The following GUCA2A variants were observed in gnomAD, a reference collection of about 807,000 sequenced individuals.
GUCA2A encodes guanylate cyclase activator 2A.
A neutral mutation model predicts 11.2 loss-of-function variants in GUCA2A; 17 were observed. That is an observed-to-expected ratio of 1.52 (90% CI 1.04 to 2.28). The LOEUF (loss-of-function observed/expected upper bound fraction) is 2.28. Among genes scored for constraint, GUCA2A ranks in the 30% most tolerant of loss-of-function variants. The pLI is 0.00. For missense variants in GUCA2A, 173 were observed against 139.3 expected, an observed-to-expected ratio of 1.24 and a Z score of -1.22; for synonymous variants, 64 against 57.1, an observed-to-expected ratio of 1.12 and a Z score of -0.54.
chr1:42,164,510 C>T (rs949468822), intron 1 of GUCA2A, 128 bp downstream of exon 1: 4 of 633,806 alleles, frequency 6.3e-6, no homozygotes, highest in East Asian at 2.8e-5. Flanking sequence ...AGGAGCTCCT[C>T]GAAGAAGGCC....
At position 42,163,449 on chromosome 1, in the gene GUCA2A, C is replaced by T. The variant is rs1176054216; in HGVS notation, c.237G>A (p.Lys79=). The change falls in exon 2 of 3, where the codon AAG becomes AAA. Residue 79 remains lysine, a synonymous_variant. Transcript: ENST00000357001. The part of the protein sequence containing the change: ...CSNPNFPEEL[K]PLCKEPNAQE... The stretch of plus-strand genomic sequence containing the variant: ...GGGCATTGGGCTCCTTGCAGAGAGG[C>T]TTGAGTTCTTCTGGAAAGTTCGGGT... 6.2e-7 allele frequency: 1 copy of T among 1,614,082 alleles called. No individual in the cohort carries two copies. The highest frequency in any genetic ancestry group is 8.5e-7 in the Non-Finnish European group (1 of 1,179,926).
rs1033422438 is a variant in GUCA2A, at chr1:42,162,728, G to C, written c.*178C>G. The C allele has an allele frequency of 1.7e-6, 1 of 606,028 alleles. No homozygotes were observed. Among genetic ancestry groups the C allele is most frequent in the Non-Finnish European group, 2.9e-6 (1 of 339,990 alleles). The allele number at this position is 606,028 out of a possible 1,614,324, so 37.5% of individuals were successfully genotyped here. A position where few individuals can be genotyped will look rare whatever the true frequency, so the allele number is the denominator to read the frequency against. ...GGTTTATTAGCTGGGGGTTGAAGTG[G>C]CAGGGAAGGACAGTGTTGGGGCGAG... On this transcript the variant is annotated 3_prime_UTR_variant, in exon 3 of 3. Coordinates refer to ENST00000357001, the MANE Select transcript of GUCA2A (RefSeq NM_033553.3).
Position 42,162,955 on chromosome 1 carries a change from T to G in GUCA2A, c.299A>C (p.Asp100Ala), listed in dbSNP as rs1569700402. ...ILQRLEEIAE[D>A]PGTCEICAYA... ...GGCACAGATTTCACATGTGCCCGGG[T>G]CCTCAGCGATTTCCTCTGCACAACA... The change falls in exon 3 of 3, where the codon GAC (aspartate) becomes GCC (alanine). Residue 100 changes from aspartate (D) to alanine (A), a missense_variant. Coordinates refer to ENST00000357001, the MANE Select transcript of GUCA2A (RefSeq NM_033553.3). 1 of 1,613,628 alleles carries G rather than the reference T, an allele frequency of 6.2e-7. No individual in the cohort carries two copies. The highest frequency in any genetic ancestry group is 2.2e-5 in the East Asian group (1 of 44,856).
chr1:42,162,879 GGGGA>G lies in GUCA2A; in HGVS notation c.*23_*26del. On this transcript the variant is annotated 3_prime_UTR_variant, in exon 3 of 3. Coordinates refer to ENST00000357001, the MANE Select transcript of GUCA2A (RefSeq NM_033553.3). ...GAGAAAAGAGCTTCCCTGCTGCGGAGGGGAGGCAGGCAGTGGGCAAGCCCCCCTA... is the reference window on the plus strand; with the variant it reads ...GAGAAAAGAGCTTCCCTGCTGCGGAGGGCAGGCAGTGGGCAAGCCCCCCTA... 1 of 1,583,772 alleles carries G rather than the reference GGGGA, an allele frequency of 6.3e-7. No individual in the cohort carries two copies. Among genetic ancestry groups the G allele is most frequent in the Non-Finnish European group, 8.7e-7 (1 of 1,152,678 alleles).
Position 42,163,439 on chromosome 1 carries a change from T to A in GUCA2A, c.247A>T (p.Lys83Ter). ...AGTATCTCCTGGGCATTGGGCTCCTTGCAGAGAGGCTTGAGTTCTTCTGGA... is the reference window on the plus strand; with the variant it reads ...AGTATCTCCTGGGCATTGGGCTCCTAGCAGAGAGGCTTGAGTTCTTCTGGA... ...NFPEELKPLC[K>*]EPNAQEILQR... Residue 83 changes from lysine (K) to a stop codon, truncating the protein, a stop_gained, in exon 2 of 3, where the codon AAG becomes TAG. Transcript: ENST00000357001. LOFTEE classifies it high-confidence loss of function. 1 of 1,613,942 alleles carries A rather than the reference T, an allele frequency of 6.2e-7. No homozygotes were observed. Among genetic ancestry groups the A allele is most frequent in the Non-Finnish European group, 8.5e-7 (1 of 1,179,872 alleles).
intron 1 of GUCA2A, among the ~76,000 whole-genome samples, chr1:42,164,144 G>C (rs1257856558): frequency 6.6e-6 from 1 of 152,254 alleles, no homozygotes; most frequent in Non-Finnish European, 1.5e-5. Flanking sequence ...ATTGGCACTG[G>C]TAGGCATACC....
chr1:42,163,466 A>T lies in GUCA2A; in HGVS notation c.220T>A (p.Phe74Ile), dbSNP rs1217759074. 1.2e-6 allele frequency: 2 copies of T among 1,613,934 alleles called. No individual in the cohort carries two copies. The highest frequency in any genetic ancestry group is 2.7e-5 in the African/African-American group (2 of 74,924). Reference protein sequence around the residue: ...VVPILCSNPNFPEELKPLCKE... With the variant: ...VVPILCSNPNIPEELKPLCKE... ...CAGAGAGGCTTGAGTTCTTCTGGAAAGTTCGGGTTGCTACAGAGGATGGGA... is the reference window on the plus strand; with the variant it reads ...CAGAGAGGCTTGAGTTCTTCTGGAATGTTCGGGTTGCTACAGAGGATGGGA... Residue 74 changes from phenylalanine to isoleucine, a missense_variant, in exon 2 of 3, where the codon TTT becomes ATT. Transcript: ENST00000357001.
Position 42,162,944 on chromosome 1 carries a change from A to T in GUCA2A, c.310T>A (p.Cys104Ser), listed in dbSNP as rs201516999. ...LEEIAEDPGT[C>S]EICAYAACTG... ...CAGGCAGCGTAGGCACAGATTTCAC[A>T]TGTGCCCGGGTCCTCAGCGATTTCC... is the stretch of plus-strand genomic sequence containing the variant. Residue 104 changes from cysteine to serine, a missense_variant, in exon 3 of 3, where the codon TGT (cysteine) becomes AGT (serine). By Grantham distance (112) the Cys-to-Ser change is moderately radical. Coordinates refer to ENST00000357001, the MANE Select transcript of GUCA2A (RefSeq NM_033553.3). 1 of 1,613,554 alleles carries T rather than the reference A, an allele frequency of 6.2e-7. No homozygotes were observed. Among genetic ancestry groups the T allele is most frequent in the African/African-American group, 1.3e-5 (1 of 74,866 alleles).
Position 42,162,791 on chromosome 1 carries a change from C to T in GUCA2A, c.*115G>A. On this transcript the variant is annotated 3_prime_UTR_variant, in exon 3 of 3. Coordinates refer to ENST00000357001, the MANE Select transcript of GUCA2A (RefSeq NM_033553.3). ...CCAGTTCCTCCCCGGGCTGCTCCTC[C>T]CGACTGGACCAGGGTAGGTTGAGCT... is the stretch of plus-strand genomic sequence containing the variant. 1 of 841,420 alleles carries T rather than the reference C, an allele frequency of 1.2e-6. No individual in the cohort carries two copies. Among genetic ancestry groups the T allele is most frequent in the Non-Finnish European group, 2.0e-6 (1 of 497,780 alleles). The allele number at this position is 841,420 out of a possible 1,614,324, so 52.1% of individuals were successfully genotyped here.
At position 42,162,940 on chromosome 1, in the gene GUCA2A, T is replaced by A. The variant is rs1477957080; in HGVS notation, c.314A>T (p.Glu105Val). ...GGTACAGGCAGCGTAGGCACAGATTTCACATGTGCCCGGGTCCTCAGCGAT... is the reference window on the plus strand; with the variant it reads ...GGTACAGGCAGCGTAGGCACAGATTACACATGTGCCCGGGTCCTCAGCGAT... ...EEIAEDPGTCEICAYAACTGC is the reference protein window; with the variant it reads ...EEIAEDPGTCVICAYAACTGC Residue 105 changes from glutamate to valine, a missense_variant, in exon 3 of 3, where the codon GAA (glutamate) becomes GTA (valine). Physicochemically the swap from Glu to Val is moderately radical, Grantham distance 121. Coordinates refer to ENST00000357001, the MANE Select transcript of GUCA2A (RefSeq NM_033553.3). The A allele has an allele frequency of 6.2e-7, 1 of 1,613,678 alleles. No individual in the cohort carries two copies. Among genetic ancestry groups the A allele is most frequent in the African/African-American group, 1.3e-5 (1 of 74,962 alleles).
In GUCA2A at chr1:42,163,671, C is replaced by T; in HGVS notation, c.76-61G>A. On this transcript the variant is annotated intron_variant, in intron 1 of 2. Transcript: ENST00000357001. The stretch of plus-strand genomic sequence containing the variant: ...GCAGCCTGCTTCCTGGCTGTGCCCC[C>T]CGTGCTGGCCCCGGTCCAGCCCAGT... The T allele has an allele frequency of 2.5e-6, 3 of 1,184,002 alleles. No individual in the cohort carries two copies. In the Admixed American group the frequency reaches 6.1e-5, roughly 24 times the overall value. The allele number at this position is 1,184,002 out of a possible 1,614,324, so 73.3% of individuals were successfully genotyped here.
At chr1:42,163,705 C>T (rs1646140408) in intron 1 of GUCA2A, 95 bp from the exon 2 acceptor site, 5 of 790,428 alleles carry the variant, frequency 6.3e-6, no homozygotes, top group Non-Finnish European at 1.0e-5. Flanking sequence ...GTGGTGCTCA[C>T]AGGCAGTGTT....
In GUCA2A at chr1:42,164,691, C is replaced by G; in HGVS notation, c.22G>C (p.Ala8Pro). The change falls in exon 1 of 3, where the codon GCA becomes CCA. Residue 8 changes from alanine (A) to proline (P), a missense_variant. By Grantham distance (27) the Ala-to-Pro change is conservative (BLOSUM62 -1). Coordinates refer to ENST00000357001, the MANE Select transcript of GUCA2A (RefSeq NM_033553.3). ...GCCCAGGCCCCAAGGAGGCACAGTG[C>G]GGAGAGCAGGAAGGCATTCATGGCA... MNAFLLS[A>P]LCLLGAWAAL... The G allele has an allele frequency of 1.3e-6, 2 of 1,551,548 alleles. No individual in the cohort carries two copies. Among genetic ancestry groups the G allele is most frequent in the Non-Finnish European group, 1.7e-6 (2 of 1,146,502 alleles).
rs1557602683 is a variant in GUCA2A, at chr1:42,163,454, G to C, written c.232C>G (p.Leu78Val). Residue 78 changes from leucine (L) to valine (V), a missense_variant, in exon 2 of 3, where the codon CTC becomes GTC. By Grantham distance (32) the Leu-to-Val change is conservative. Coordinates refer to ENST00000357001, the MANE Select transcript of GUCA2A (RefSeq NM_033553.3). ...LCSNPNFPEE[L>V]KPLCKEPNAQ... The stretch of plus-strand genomic sequence containing the variant: ...TTGGGCTCCTTGCAGAGAGGCTTGA[G>C]TTCTTCTGGAAAGTTCGGGTTGCTA... 3 of 1,614,024 alleles carry C rather than the reference G, an allele frequency of 1.9e-6. No individual in the cohort carries two copies. The South Asian group carries it at 3.3e-5, about 18-fold the overall frequency.
At position 42,162,896 on chromosome 1, in the gene GUCA2A, G is replaced by T; in HGVS notation, c.*10C>A. ...GCTGCGGAGGGGAGGCAGGCAGTGG[G>T]CAAGCCCCCCTAGCATCCGGTACAG... On this transcript the variant is annotated 3_prime_UTR_variant, in exon 3 of 3. Transcript: ENST00000357001. The T allele has an allele frequency of 6.2e-7, 1 of 1,609,728 alleles. No homozygotes were observed. The highest frequency in any genetic ancestry group is 8.5e-7 in the Non-Finnish European group (1 of 1,176,174).
intron 1 of GUCA2A, 80 bp downstream of exon 1, chr1:42,164,558 G>A: frequency 2.5e-6 from 2 of 803,736 alleles, no homozygotes; most frequent in Non-Finnish European, 4.2e-6. Flanking sequence ...GCCCCAAAGA[G>A]GAGGTACTCT....
Position 42,162,906 on chromosome 1 carries a change from C to T in GUCA2A, c.348G>A (p.Ter116=). 1 of 1,612,864 alleles carries T rather than the reference C, an allele frequency of 6.2e-7. No individual in the cohort carries two copies. The highest frequency in any genetic ancestry group is 2.2e-5 in the East Asian group (1 of 44,870). The change falls in exon 3 of 3, where the codon TAG becomes TAA. Residue 116 remains the stop codon, a stop_retained_variant. Coordinates refer to ENST00000357001, the MANE Select transcript of GUCA2A (RefSeq NM_033553.3). ...ICAYAACTGC[*] ...GGAGGCAGGCAGTGGGCAAGCCCCCCTAGCATCCGGTACAGGCAGCGTAGG... is the reference window on the plus strand; with the variant it reads ...GGAGGCAGGCAGTGGGCAAGCCCCCTTAGCATCCGGTACAGGCAGCGTAGG...
rs200175352 is a variant in GUCA2A at position 42,164,723 on chromosome 1, C to A, written c.-11G>T. ...CAGGAAGGCATTCATGGCAGCAGTG[C>A]CCGAGAGAGGGGTGGCTGTTCTGGA... On this transcript the variant is annotated 5_prime_UTR_variant, in exon 1 of 3. Transcript: ENST00000357001. The A allele has an allele frequency of 1.3e-6, 2 of 1,524,284 alleles. No homozygotes were observed. Among genetic ancestry groups the A allele is most frequent in the Admixed American group, 2.0e-5 (1 of 51,024 alleles). 94.4% of individuals were successfully genotyped at this position (1,524,284 alleles called of 1,614,324 possible). A position where few individuals can be genotyped will look rare whatever the true frequency, so the allele number is the denominator to read the frequency against.
At chr1:42,164,559 G>A (rs1164814406) in intron 1 of GUCA2A, 79 bp downstream of exon 1, 5 of 804,362 alleles carry the variant, frequency 6.2e-6, no homozygotes, top group Non-Finnish European at 1.1e-5. Flanking sequence ...CCCCAAAGAG[G>A]AGGTACTCTC....
Sources: allele counts gnomAD v4.1 joint callset (sites outside exome capture counted in the v4.1 genomes callset), GRCh38; gene constraint gnomAD v4.1.1; transcripts MANE v1.5; gene names NCBI Gene and HGNC (gene_info 2026-07-23, HGNC 2026-07-21).